FBXO31: variants seen among roughly 807,000 people sequenced by gnomAD.
The protein encoded by FBXO31 is F-box only protein 31.
FBXO31 carries 24 observed loss-of-function variants against 54.4 expected under a neutral mutation model. That is an observed-to-expected ratio of 0.44 (90% confidence interval 0.32 to 0.62). FBXO31 has a LOEUF of 0.62. FBXO31 is among the 20% of genes least tolerant of loss of function. The probability of loss-of-function intolerance (pLI) is 0.05; values close to 1 mark genes in which losing one functional copy is unlikely to be tolerated. For missense variants in FBXO31, 665 were observed against 787.1 expected, an observed-to-expected ratio of 0.84 and a Z score of 1.86; for synonymous variants, 388 against 335.6, an observed-to-expected ratio of 1.16 and a Z score of -1.71.
intron 1 of FBXO31, among the ~76,000 whole-genome samples, chr16:87,371,342 C>T (rs967165611): frequency 6.6e-6 from 1 of 152,200 alleles, no homozygotes; most frequent in East Asian, 1.9e-4. Context: ...CACCCACTGG[C>T]CAAGGGAGTC....
chr16:87,333,434 C>T (rs539177047), intron 8 of FBXO31, among the ~76,000 whole-genome samples: 3 of 152,250 alleles, frequency 2.0e-5, no homozygotes, highest in East Asian at 3.9e-4. Context: ...ACCGGCAAGA[C>T]GCTGTCCAGG....
chr16:87,354,368 A>G (rs1290485924), intron 2 of FBXO31, among the ~76,000 whole-genome samples: 1 of 151,994 alleles, frequency 6.6e-6, no homozygotes, highest in East Asian at 1.9e-4. Context: ...CCAGCTAACT[A>G]GGAGCTGAGG....
At chr16:87,370,435 T>G (rs561425441) in intron 1 of FBXO31, among the ~76,000 whole-genome samples, 4 of 152,228 alleles carry the variant, frequency 2.6e-5, no homozygotes, top group Admixed American at 6.5e-5. Flanking sequence ...CTGGGGCAAC[T>G]TGGCAGGTGC....
chr16:87,335,454 G>T lies in FBXO31; in HGVS notation c.846C>A (p.Asn282Lys). 1 of 1,611,634 alleles carries T rather than the reference G, an allele frequency of 6.2e-7. No individual in the cohort carries two copies. Among genetic ancestry groups the T allele is most frequent in the Non-Finnish European group, 8.5e-7 (1 of 1,179,288 alleles). The part of the protein sequence containing the change: ...MKFIYTSQYD[N>K]CLTYRRIYLP... Reference sequence around the variant, plus strand: ...GGTAGATGCGGCGGTAGGTCAGGCAGTTGCTGTGGGGAGCGGACGGGTCAG... The same window carrying T: ...GGTAGATGCGGCGGTAGGTCAGGCATTTGCTGTGGGGAGCGGACGGGTCAG... The change falls in exon 7 of 9, where the codon AAC becomes AAA. Residue 282 changes from asparagine (N) to lysine (K), a missense_variant. Coordinates refer to ENST00000311635, the MANE Select transcript of FBXO31 (RefSeq NM_024735.5). This position sits in a 1 kb window ranked among gnomAD's most constrained non-coding sequence, Gnocchi z 5.7.
intron 5 of FBXO31, among the ~76,000 whole-genome samples, chr16:87,339,084 A>G (rs756631089): frequency 1.3e-5 from 2 of 152,164 alleles, no homozygotes; most frequent in Non-Finnish European, 2.9e-5. Context: ...CTGTGAGTCC[A>G]TGCAACCTCT....
rs1444120314 is a variant in FBXO31, at chr16:87,359,531, T to C, written c.412+764A>G. On this transcript the variant is annotated intron_variant, in intron 2 of 8. Transcript: ENST00000311635. ...AATATGTCTTCATGTCACTTTGAGA[T>C]GATATGACCCAAATGGCCTAAGAAA... is the stretch of plus-strand genomic sequence containing the variant. Among the ~76,000 whole-genome samples the C allele has an allele frequency of 4.6e-5, 7 of 152,254 alleles. No homozygotes were observed. The East Asian group carries it at 7.7e-4, about 17-fold the overall frequency.
rs1906683996 is a variant in FBXO31 at position 87,373,385 on chromosome 16, G to A, written c.340+10020C>T. On this transcript the variant is annotated intron_variant, in intron 1 of 8. Transcript: ENST00000311635. Reference sequence around the variant, plus strand: ...GAGAATGGCGTGAACCCAGGAGGTGGAGCTTGCAGTGAGCCGAGATCGCGC... The same window carrying A: ...GAGAATGGCGTGAACCCAGGAGGTGAAGCTTGCAGTGAGCCGAGATCGCGC... 2.0e-5 allele frequency among the ~76,000 whole-genome samples: 3 copies of A among 152,244 alleles called. No homozygotes were observed. The South Asian group carries it at 6.2e-4, about 32-fold the overall frequency.
chr16:87,378,617 T>C (rs936259699), intron 1 of FBXO31, among the ~76,000 whole-genome samples: 9 of 152,342 alleles, frequency 5.9e-5, no homozygotes, highest in Middle Eastern at 3.4e-3. Context: ...CACCCCTGCC[T>C]ACCCAGGCAA....
At chr16:87,340,729 G>T (rs534321894) in intron 5 of FBXO31, among the ~76,000 whole-genome samples, 1 of 152,116 alleles carries the variant, frequency 6.6e-6, no homozygotes, top group Non-Finnish European at 1.5e-5. Context: ...AGGCCAAGGC[G>T]GTAAGATCAC....
At chr16:87,376,104 T>A (rs1023674879) in intron 1 of FBXO31, among the ~76,000 whole-genome samples, 4 of 152,174 alleles carry the variant, frequency 2.6e-5, no homozygotes, top group South Asian at 4.2e-4. Context: ...TGCCACAGCA[T>A]CCTATCCCTT....
chr16:87,376,903 G>C (rs894730923), intron 1 of FBXO31, among the ~76,000 whole-genome samples: 4 of 152,190 alleles, frequency 2.6e-5, no homozygotes, highest in African/African-American at 9.6e-5. Context: ...AGAAAACTAA[G>C]ACCCGATCTA....
At chr16:87,365,075 T>G (rs1391167916) in intron 1 of FBXO31, among the ~76,000 whole-genome samples, 1 of 121,500 alleles carries the variant, frequency 8.2e-6, no homozygotes, top group African/African-American at 3.2e-5. Context: ...GCATTTTCTG[T>G]GAGGATATAA....
In FBXO31 at chr16:87,346,883, G is replaced by A. The variant is rs12921583; in HGVS notation, c.489+291C>T. On this transcript the variant is annotated intron_variant, in intron 3 of 8. Coordinates refer to ENST00000311635, the MANE Select transcript of FBXO31 (RefSeq NM_024735.5). This position sits in a 1 kb window ranked among gnomAD's most constrained non-coding sequence, Gnocchi z 4.2. ...GGCGGGCTCCAGACCCCGCCAACAT[G>A]TGCGCGATGGGCCTCAGCGTCCAGG... Among the ~76,000 whole-genome samples, 1,870 of 152,326 alleles carry A rather than the reference G, an allele frequency of 0.012. 14 individuals are homozygous for A. The highest frequency in any genetic ancestry group is 0.019 in the Non-Finnish European group (1,302 of 68,032).
chr16:87,371,948 G>T lies in FBXO31; in HGVS notation c.340+11457C>A, dbSNP rs535712670. Among the ~76,000 whole-genome samples the T allele has an allele frequency of 1.6e-4, 25 of 152,004 alleles. 1 individual carries two copies. Among genetic ancestry groups the T allele is most frequent in the African/African-American group, 6.0e-4 (25 of 41,374 alleles). ...TAGTCTTAAAAAATGTTTGGGCTGG[G>T]TGCAGTGGCTCATGTATGTAATCCC... is the stretch of plus-strand genomic sequence containing the variant. On this transcript the variant is annotated intron_variant, in intron 1 of 8. Transcript: ENST00000311635.
At chr16:87,339,708 G>A (rs769057482) in intron 5 of FBXO31, among the ~76,000 whole-genome samples, 10 of 152,218 alleles carry the variant, frequency 6.6e-5, no homozygotes, top group African/African-American at 1.7e-4. Flanking sequence ...GACCGTAAGC[G>A]TGCTGCTATT....
Position 87,329,460 on chromosome 16 carries a change from T to C in FBXO31, c.*1828A>G, listed in dbSNP as rs1163446027. On this transcript the variant is annotated 3_prime_UTR_variant, in exon 9 of 9. Coordinates refer to ENST00000311635, the MANE Select transcript of FBXO31 (RefSeq NM_024735.5). Reference sequence around the variant, plus strand: ...GGCTCGGGCTCTTGGTAAAAAAGCATTTGCTTGATTTTATTTAAACAATGG... The same window carrying C: ...GGCTCGGGCTCTTGGTAAAAAAGCACTTGCTTGATTTTATTTAAACAATGG... The C allele has an allele frequency of 6.6e-6, 1 of 152,280 alleles. No homozygotes were observed. The highest frequency in any genetic ancestry group is 1.5e-5 in the Non-Finnish European group (1 of 68,074). The allele number at this position is 152,280 out of a possible 1,614,324, so 9.4% of individuals were successfully genotyped here.
Position 87,329,269 on chromosome 16 carries a change from A to C in FBXO31, c.*2019T>G, listed in dbSNP as rs1904756876. On this transcript the variant is annotated 3_prime_UTR_variant, in exon 9 of 9. Transcript: ENST00000311635. ...CCAGAACCAGGAGCCACATGAACTG[A>C]CCAACAGCCCATGGCTGAGACATGA... is the stretch of plus-strand genomic sequence containing the variant. 1.3e-5 allele frequency: 2 copies of C among 152,460 alleles called. No homozygotes were observed. The highest frequency in any genetic ancestry group is 2.9e-5 in the Non-Finnish European group (2 of 68,228). 9.4% of individuals were successfully genotyped at this position (152,460 alleles called of 1,614,324 possible). A position where few individuals can be genotyped will look rare whatever the true frequency, so the allele number is the denominator to read the frequency against.
chr16:87,383,901 C>G (rs192112850), upstream of FBXO31: 100 of 468,966 alleles, frequency 2.1e-4, no homozygotes, highest in Non-Finnish European at 2.2e-4. The surrounding 1 kb of genome is among the most constrained non-coding windows in gnomAD (Gnocchi z 4.9). Context: ...CGCGCCACCC[C>G]CTCCCCGCGG....
At chr16:87,391,113 G>A (rs1190754979), upstream of FBXO31, among the ~76,000 whole-genome samples, 1 of 152,172 alleles carries the variant, frequency 6.6e-6, no homozygotes, top group Non-Finnish European at 1.5e-5. Context: ...CTCTTAAGGA[G>A]GCCGAGGCGG....
Sources: allele counts gnomAD v4.1 joint callset (sites outside exome capture counted in the v4.1 genomes callset), GRCh38; gene constraint gnomAD v4.1.1; non-coding constraint Gnocchi (gnomAD v3.1); transcripts MANE v1.5; gene names NCBI Gene and HGNC (gene_info 2026-07-23, HGNC 2026-07-21).